PARD3: variants seen among roughly 807,000 people sequenced by gnomAD.
PARD3 encodes par-3 family cell polarity regulator.
PARD3 carries 75 observed loss-of-function variants against 155.4 expected under a neutral mutation model. The ratio of observed to expected loss-of-function variants is 0.48; its 90% confidence interval spans 0.40 to 0.58. The LOEUF (loss-of-function observed/expected upper bound fraction) is 0.58. Among genes scored for constraint, PARD3 ranks in the 20% least tolerant of loss-of-function variants. The pLI is 0.00. For synonymous variants in PARD3, 576 were observed against 610.5 expected (o/e 0.94, Z 0.83); for missense variants, 1,642 against 1,721.7 (o/e 0.95, Z 0.82).
intron 3 of PARD3, among the ~76,000 whole-genome samples, chr10:34,516,399 T>C (rs2133620708): frequency 6.6e-6 from 1 of 152,340 alleles, no homozygotes; most frequent in East Asian, 1.9e-4. Flanking sequence ...CTTCCAAGAA[T>C]GGCTAACAGA....
intron 1 of PARD3, among the ~76,000 whole-genome samples, chr10:34,804,948 T>C (rs1371651028): frequency 6.6e-6 from 1 of 152,212 alleles, no homozygotes; most frequent in African/African-American, 2.4e-5. Context: ...ATTTCTTAAG[T>C]GTTGAAGAAG....
chr10:34,783,794 C>T (rs1384074831), intron 1 of PARD3, among the ~76,000 whole-genome samples: 1 of 152,040 alleles, frequency 6.6e-6, no homozygotes, highest in Non-Finnish European at 1.5e-5. Context: ...TAGTACGTTG[C>T]CAAATCACTT....
chr10:34,307,053 ATTTT>A (rs10712326), intron 20 of PARD3, among the ~76,000 whole-genome samples: 1 of 150,750 alleles, frequency 6.6e-6, no homozygotes, highest in African/African-American at 2.4e-5. Context: ...CGCCCGGCTA[ATTTT>A]TTTTTTGTAT....
At chr10:34,668,666 T>C (rs890151419) in intron 2 of PARD3, among the ~76,000 whole-genome samples, 1 of 152,194 alleles carries the variant, frequency 6.6e-6, no homozygotes, top group African/African-American at 2.4e-5. Flanking sequence ...TTAATTTTCA[T>C]TGATAAGCAA....
chr10:34,480,897 G>A (rs945448122), intron 3 of PARD3, among the ~76,000 whole-genome samples: 4 of 150,594 alleles, frequency 2.7e-5, no homozygotes, highest in African/African-American at 9.8e-5. Flanking sequence ...CGCTTCTCAG[G>A]TTCAAGCTCT....
At chr10:34,749,349 T>C in intron 1 of PARD3, among the ~76,000 whole-genome samples, 1 of 152,128 alleles carries the variant, frequency 6.6e-6, no homozygotes, top group East Asian at 1.9e-4. Flanking sequence ...AAGGGGGCAA[T>C]GTTATTATTT....
chr10:34,687,212 C>T (rs936058078), intron 2 of PARD3, among the ~76,000 whole-genome samples: 1 of 151,932 alleles, frequency 6.6e-6, no homozygotes, highest in Non-Finnish European at 1.5e-5. Flanking sequence ...CCTAATGGGG[C>T]AGTAATTTTA....
chr10:34,384,019 C>A, intron 8 of PARD3, 110 bp downstream of exon 8: 1 of 1,029,886 alleles, frequency 9.7e-7, no homozygotes, highest in South Asian at 1.9e-5. Context: ...GAAAATATTC[C>A]TCTCCAGTAT....
intron 5 of PARD3, among the ~76,000 whole-genome samples, chr10:34,436,878 G>A (rs909203120): frequency 5.3e-5 from 8 of 152,098 alleles, no homozygotes; most frequent in African/African-American, 1.9e-4. Flanking sequence ...AAGAGAATAT[G>A]TTTCCGTATT....
chr10:34,666,758 C>A (rs1428868798), intron 2 of PARD3, among the ~76,000 whole-genome samples: 1 of 127,578 alleles, frequency 7.8e-6, no homozygotes, highest in Admixed American at 8.4e-5. Context: ...GAACCTTCCA[C>A]CTCACCTACC....
intron 2 of PARD3, among the ~76,000 whole-genome samples, chr10:34,623,610 A>G (rs2091817613): frequency 6.6e-6 from 1 of 152,148 alleles, no homozygotes; most frequent in African/African-American, 2.4e-5. Flanking sequence ...GGTACATCTC[A>G]GCAAAAGTAA....
At chr10:34,253,888 A>G (rs1463296716) in intron 22 of PARD3, among the ~76,000 whole-genome samples, 1 of 152,190 alleles carries the variant, frequency 6.6e-6, no homozygotes, top group Non-Finnish European at 1.5e-5. Context: ...ATGTGGACAC[A>G]CAGAAGCAGA....
At chr10:34,128,210 C>T (rs956572929) in intron 23 of PARD3, among the ~76,000 whole-genome samples, 1 of 152,158 alleles carries the variant, frequency 6.6e-6, no homozygotes, top group Non-Finnish European at 1.5e-5. Flanking sequence ...CCCTTGAACA[C>T]CATGAGTTTG....
chr10:34,165,636 C>T (rs1269841447), intron 22 of PARD3, among the ~76,000 whole-genome samples: 1 of 152,220 alleles, frequency 6.6e-6, no homozygotes, highest in East Asian at 1.9e-4. Flanking sequence ...AAATGATGTT[C>T]TAACAGCTTA....
intron 2 of PARD3, among the ~76,000 whole-genome samples, chr10:34,599,426 G>T (rs1308506825): frequency 6.6e-6 from 1 of 152,142 alleles, no homozygotes; most frequent in Non-Finnish European, 1.5e-5. Flanking sequence ...TCCACTCATT[G>T]GAAGATTATG....
In PARD3 at chr10:34,559,247, T is replaced by C. The variant is rs1413673424; in HGVS notation, c.223-42088A>G. Reference sequence around the variant, plus strand: ...CTTATTGGCAAAGTAGTATTTTTCATTGATCCAAGATTCAAAGGCTTGTAG... The same window carrying C: ...CTTATTGGCAAAGTAGTATTTTTCACTGATCCAAGATTCAAAGGCTTGTAG... On this transcript the variant is annotated intron_variant, in intron 2 of 24. Transcript: ENST00000374788. Among the ~76,000 whole-genome samples, 3 of 152,270 alleles carry C rather than the reference T, an allele frequency of 2.0e-5. No individual in the cohort carries two copies. The East Asian group carries it at 5.8e-4, about 29-fold the overall frequency.
chr10:34,341,620 A>G lies in PARD3; in HGVS notation c.2408+7T>C, dbSNP rs1296295723. 3 of 1,608,370 alleles carry G rather than the reference A, an allele frequency of 1.9e-6. No individual in the cohort carries two copies. The highest frequency in any genetic ancestry group is 2.5e-6 in the Non-Finnish European group (3 of 1,177,292). On this transcript the variant is annotated splice_region_variant and intron_variant, in intron 16 of 24. Coordinates refer to ENST00000374788, the MANE Select transcript of PARD3 (RefSeq NM_001184785.2). ...TCATGTTTTCCAACCCTGGACGATG[A>G]GCTTACCAGTCGGCTGAATCACTGA... is the stretch of plus-strand genomic sequence containing the variant.
At chr10:34,597,722 A>G (rs1449090135) in intron 2 of PARD3, among the ~76,000 whole-genome samples, 17 of 149,298 alleles carry the variant, frequency 1.1e-4, no homozygotes, top group South Asian at 2.1e-4. Flanking sequence ...GCTGGGGTAC[A>G]CGTGGAGATC....
chr10:34,148,891 A>G (rs986098115), intron 22 of PARD3, among the ~76,000 whole-genome samples: 12 of 152,036 alleles, frequency 7.9e-5, no homozygotes, highest in African/African-American at 2.9e-4. Flanking sequence ...TTTAATGAAT[A>G]TGGTCTGAAT....
Sources: gnomAD v4.1 joint callset for allele counts (sites outside exome capture counted in the v4.1 genomes callset) on GRCh38, gnomAD v4.1.1 for gene constraint, MANE v1.5 for transcripts, NCBI Gene and HGNC (gene_info 2026-07-23, HGNC 2026-07-21) for gene names.